DMD: variants seen among roughly 807,000 people sequenced by gnomAD.
The protein encoded by DMD is dystrophin.
In DMD, 63 loss-of-function variants were observed where a neutral mutation model predicts 330.1. That is an observed-to-expected ratio of 0.19 (90% confidence interval 0.16 to 0.24). DMD has a LOEUF of 0.24. DMD is among the 10% of genes least tolerant of loss of function. DMD has a pLI of 1.00. For synonymous variants in DMD, 1,223 were observed against 959.8 expected (o/e 1.27, Z -5.07); for missense variants, 3,344 against 2,684.1 (o/e 1.25, Z -5.43).
At chrX:32,990,381 G>A (rs1409023523) in intron 2 of DMD, among the ~76,000 whole-genome samples, 1 of 111,663 alleles carries the variant, frequency 9.0e-6, no homozygotes. Context: ...TATCAACTGA[G>A]TGCAGTGTAA....
chrX:32,755,457 G>A (rs945409837), intron 7 of DMD, among the ~76,000 whole-genome samples: 8 of 111,606 alleles, frequency 7.2e-5, no homozygotes, highest in African/African-American at 9.8e-5. Context: ...TCCCTGAAAT[G>A]TATTCTGAAT....
chrX:31,279,239 T>C (rs1014378551), intron 62 of DMD, among the ~76,000 whole-genome samples: 7 of 112,623 alleles, frequency 6.2e-5, no homozygotes, highest in African/African-American at 2.3e-4. Flanking sequence ...CACAAACAGT[T>C]TAGCCTAGCA....
At chrX:32,518,865 T>G (rs2148810586) in intron 17 of DMD, among the ~76,000 whole-genome samples, 1 of 110,133 alleles carries the variant, frequency 9.1e-6, no homozygotes, top group Admixed American at 9.8e-5. Flanking sequence ...AGAAAAGAAA[T>G]ACCCAAAGGG....
At chrX:33,287,381 G>A (rs148489744) in intron 1 of DMD, among the ~76,000 whole-genome samples, 106 of 109,336 alleles carry the variant, frequency 9.7e-4, no homozygotes, top group African/African-American at 3.4e-3. Context: ...TACCACTTCC[G>A]CAGTAATTAC....
intron 11 of DMD, among the ~76,000 whole-genome samples, chrX:32,641,954 G>A (rs2059491638): frequency 9.0e-6 from 1 of 111,577 alleles, no homozygotes; most frequent in African/African-American, 3.3e-5. Flanking sequence ...CCATGATAAT[G>A]GAAACTGAAC....
At chrX:32,889,985 G>A (rs760901719) in intron 2 of DMD, among the ~76,000 whole-genome samples, 10 of 111,628 alleles carry the variant, frequency 9.0e-5, no homozygotes, top group East Asian at 2.8e-4. Flanking sequence ...AGGATCTACC[G>A]GAAAGTAGGC....
At chrX:31,732,933 A>G (rs1267923569) in intron 51 of DMD, among the ~76,000 whole-genome samples, 2 of 111,710 alleles carry the variant, frequency 1.8e-5, no homozygotes. Context: ...AAATCATTAC[A>G]TGCTTACCAG....
chrX:31,550,346 G>GA (rs1388299108), intron 55 of DMD, among the ~76,000 whole-genome samples: 1 of 112,025 alleles, frequency 8.9e-6, no homozygotes, highest in Non-Finnish European at 1.9e-5. Flanking sequence ...GGGGTATAAT[G>GA]ACAAGCAAGT....
intron 11 of DMD, among the ~76,000 whole-genome samples, chrX:32,635,456 C>T (rs897318714): frequency 5.4e-5 from 6 of 111,620 alleles, no homozygotes. Context: ...CTTCGAGACT[C>T]ATTTTCCCTC....
chrX:31,571,383 A>T (rs1386291401), intron 55 of DMD, among the ~76,000 whole-genome samples: 1 of 100,289 alleles, frequency 1.0e-5, no homozygotes, highest in Non-Finnish European at 2.0e-5. Flanking sequence ...CTGAGTCCTG[A>T]TGCCTCAAAT....
chrX:33,272,514 A>G (rs950918834), intron 1 of DMD, among the ~76,000 whole-genome samples: 6 of 111,978 alleles, frequency 5.4e-5, no homozygotes, highest in Admixed American at 3.8e-4. Context: ...TTTGCACCAT[A>G]AAGTTTAAGT....
At chrX:32,694,707 A>C (rs1476285806) in intron 9 of DMD, among the ~76,000 whole-genome samples, 4 of 111,838 alleles carry the variant, frequency 3.6e-5, no homozygotes, top group Non-Finnish European at 5.6e-5. Flanking sequence ...CCCATGCTGT[A>C]GTGCAATGGC....
chrX:32,762,358 C>A (rs150056528), intron 7 of DMD, among the ~76,000 whole-genome samples: 1,337 of 110,803 alleles, frequency 0.012, 28 homozygotes, highest in African/African-American at 0.042. Flanking sequence ...CATTTTTCAC[C>A]TACCATCTCT....
chrX:32,252,687 T>TAA (rs1422191506), intron 43 of DMD, among the ~76,000 whole-genome samples: 10 of 35,513 alleles, frequency 2.8e-4, no homozygotes, highest in South Asian at 2.2e-3. Flanking sequence ...AATATATAAA[T>TAA]ATATATATAA....
rs1299807311 is a variant in DMD at position 32,559,682 on chromosome X, C to G, written c.1992+6020G>C. 2.7e-5 allele frequency among the ~76,000 whole-genome samples: 3 copies of G among 111,572 alleles called. No individual in the cohort carries two copies. The Admixed American group carries it at 2.9e-4, about 11-fold the overall frequency. On this transcript the variant is annotated intron_variant, in intron 16 of 78. Coordinates refer to ENST00000357033, the MANE Select transcript of DMD (RefSeq NM_004006.3). ...TGAGAATTAACTCAGAAAAGAAGAA[C>G]ATGTAAAGAAATTTTCATCTTGGTA...
At chrX:32,534,700 T>C (rs747745069) in intron 17 of DMD, among the ~76,000 whole-genome samples, 1 of 111,513 alleles carries the variant, frequency 9.0e-6, no homozygotes, top group East Asian at 2.8e-4. Flanking sequence ...GCAAGCTCTT[T>C]GTTGTGTCTT....
intron 44 of DMD, among the ~76,000 whole-genome samples, chrX:31,996,933 GGCAGTAT>G (rs1217303013): frequency 2.7e-5 from 3 of 111,417 alleles, no homozygotes; most frequent in African/African-American, 9.8e-5. Flanking sequence ...AAGAGGAAAG[GGCAGTAT>G]GCTTTCATGA....
chrX:32,787,546 T>C (rs192898171), intron 7 of DMD, among the ~76,000 whole-genome samples: 76 of 111,240 alleles, frequency 6.8e-4, no homozygotes, highest in African/African-American at 2.4e-3. Flanking sequence ...AAATAGGCCC[T>C]ATATATACTG....
intron 2 of DMD, among the ~76,000 whole-genome samples, chrX:33,010,188 A>G (rs952520284): frequency 7.5e-5 from 5 of 66,294 alleles, no homozygotes; most frequent in Non-Finnish European, 1.1e-4. Flanking sequence ...ATATTTGTGT[A>G]TGTATATATG....
Sources: gnomAD v4.1 joint callset for allele counts (sites outside exome capture counted in the v4.1 genomes callset) on GRCh38, gnomAD v4.1.1 for gene constraint, MANE v1.5 for transcripts, NCBI Gene and HGNC (gene_info 2026-07-23, HGNC 2026-07-21) for gene names.